AVEN: variants seen among roughly 807,000 people sequenced by gnomAD.
AVEN encodes the protein cell death regulator Aven.
Under a neutral mutation model 38.1 loss-of-function variants are expected in AVEN, and 41 were observed. The observed-to-expected ratio is 1.08, with a 90% CI of 0.84 to 1.40. The LOEUF (loss-of-function observed/expected upper bound fraction) is 1.40. Among genes scored for constraint, AVEN ranks in the 40% most tolerant of loss-of-function variants. The pLI, the probability that AVEN is intolerant of heterozygous loss-of-function variation, is 0.00. For missense variants in AVEN, 605 were observed against 438.8 expected (o/e 1.38, Z -3.38); for synonymous variants, 206 against 171.8 (o/e 1.20, Z -1.56).
At chr15:34,044,867 G>A (rs1262552353) in intron 5 of AVEN, among the ~76,000 whole-genome samples, 1 of 152,128 alleles carries the variant, frequency 6.6e-6, no homozygotes, top group East Asian at 1.9e-4. Context: ...TAGCTAATAG[G>A]GTGAAACCCC....
chr15:34,000,999 G>T (rs868575532), intron 2 of AVEN, among the ~76,000 whole-genome samples: 3 of 151,458 alleles, frequency 2.0e-5, no homozygotes, highest in African/African-American at 7.3e-5. Flanking sequence ...CAGAGGACAG[G>T]CCTGCTAGGT....
intron 2 of AVEN, among the ~76,000 whole-genome samples, chr15:33,922,330 G>A (rs1893427220): frequency 6.6e-6 from 1 of 152,148 alleles, no homozygotes; most frequent in Admixed American, 6.5e-5. Flanking sequence ...CTGGAGAGTA[G>A]GGATGGATGG....
chr15:33,969,737 G>A (rs1175415770), intron 2 of AVEN, among the ~76,000 whole-genome samples: 3 of 151,924 alleles, frequency 2.0e-5, no homozygotes, highest in African/African-American at 7.2e-5. Flanking sequence ...TTTTATAACA[G>A]ACTAAATGAA....
chr15:34,049,293 G>A (rs1163605636), intron 5 of AVEN, among the ~76,000 whole-genome samples: 1 of 152,126 alleles, frequency 6.6e-6, no homozygotes, highest in African/African-American at 2.4e-5. Context: ...CAATGCAAGG[G>A]AGCTATGAAT....
intron 2 of AVEN, among the ~76,000 whole-genome samples, chr15:33,957,520 T>C (rs764345004): frequency 1.3e-5 from 2 of 152,080 alleles, no homozygotes; most frequent in Non-Finnish European, 2.9e-5. Context: ...TGAAAACATA[T>C]AACCACAAAA....
At chr15:34,060,960 G>A (rs1405215010) in intron 5 of AVEN, among the ~76,000 whole-genome samples, 1 of 151,314 alleles carries the variant, frequency 6.6e-6, no homozygotes, top group Non-Finnish European at 1.5e-5. Context: ...AGCTTGCAGT[G>A]AGCCGAGATA....
chr15:33,886,258 G>A (rs1354044491), intron 2 of AVEN, among the ~76,000 whole-genome samples: 3 of 152,174 alleles, frequency 2.0e-5, no homozygotes, highest in Non-Finnish European at 2.9e-5. Flanking sequence ...ATCATGGGGG[G>A]CGGTCTCCCC....
At chr15:33,893,852 T>C (rs1022263201) in intron 2 of AVEN, among the ~76,000 whole-genome samples, 1 of 152,094 alleles carries the variant, frequency 6.6e-6, no homozygotes, top group Non-Finnish European at 1.5e-5. Context: ...GAATAGAGTG[T>C]GGTCACGGTG....
intron 11 of AVEN, chr15:33,859,728 C>G: frequency 6.2e-7 from 1 of 1,606,542 alleles, no homozygotes; most frequent in African/African-American, 1.3e-5. Flanking sequence ...GGCCATCATT[C>G]AAGGTATGAT....
At chr15:33,882,628 A>G (rs1891538938) in intron 2 of AVEN, among the ~76,000 whole-genome samples, 1 of 152,088 alleles carries the variant, frequency 6.6e-6, no homozygotes, top group African/African-American at 2.4e-5. Flanking sequence ...GCACTTTGGG[A>G]GGCTGAGGTG....
At chr15:34,044,372 T>C (rs1283648486) in intron 5 of AVEN, among the ~76,000 whole-genome samples, 1 of 152,238 alleles carries the variant, frequency 6.6e-6, no homozygotes, top group African/African-American at 2.4e-5. Flanking sequence ...TTTGATACAG[T>C]TGATTACTCC....
intron 1 of AVEN, among the ~76,000 whole-genome samples, chr15:34,036,056 A>C (rs1464216793): frequency 6.6e-6 from 1 of 150,796 alleles, no homozygotes; most frequent in Non-Finnish European, 1.5e-5. Flanking sequence ...TCAGCCTCCC[A>C]AAGTGCTGGG....
chr15:33,903,114 T>G (rs1317612601), intron 2 of AVEN, among the ~76,000 whole-genome samples: 1 of 152,212 alleles, frequency 6.6e-6, no homozygotes, highest in Non-Finnish European at 1.5e-5. Context: ...GCTCTAGACA[T>G]CGGCACGTAA....
chr15:33,860,174 C>T (rs1472185847), intron 11 of AVEN, among the ~76,000 whole-genome samples: 1 of 152,150 alleles, frequency 6.6e-6, no homozygotes, highest in African/African-American at 2.4e-5. Context: ...TTGAGTCATG[C>T]TGAGTGGAGG....
chr15:33,982,248 C>G (rs1896185034), intron 2 of AVEN, among the ~76,000 whole-genome samples: 2 of 152,044 alleles, frequency 1.3e-5, no homozygotes, highest in East Asian at 3.9e-4. Context: ...CTGCCCCCAA[C>G]AAATTAAGCC....
chr15:33,938,099 G>T (rs1322797996), intron 2 of AVEN, among the ~76,000 whole-genome samples: 3 of 152,078 alleles, frequency 2.0e-5, no homozygotes, highest in Non-Finnish European at 1.5e-5. Flanking sequence ...GGGAAAGAAA[G>T]ATTTCTTGGA....
chr15:34,061,768 A>G (rs554798648), intron 5 of AVEN, among the ~76,000 whole-genome samples: 262 of 152,322 alleles, frequency 1.7e-3, no homozygotes, highest in Admixed American at 3.7e-3. Context: ...AGCTGGGGCA[A>G]ATGTAAAACC....
intron 1 of AVEN, 42 bp from the exon 2 acceptor site, chr15:34,003,251 T>A (rs760291128): frequency 1.3e-6 from 2 of 1,598,074 alleles, no homozygotes; most frequent in Non-Finnish European, 1.7e-6. Flanking sequence ...GCAGTGGAAA[T>A]CCTGACCTTA....
intron 3 of AVEN, among the ~76,000 whole-genome samples, chr15:33,872,970 G>A (rs1363768595): frequency 6.6e-6 from 1 of 151,854 alleles, no homozygotes; most frequent in African/African-American, 2.4e-5. Flanking sequence ...CGAACGCCAA[G>A]TCCAAGCCGT....
Sources: gnomAD v4.1 joint callset for allele counts (sites outside exome capture counted in the v4.1 genomes callset) on GRCh38, gnomAD v4.1.1 for gene constraint, MANE v1.5 for transcripts, NCBI Gene and HGNC (gene_info 2026-07-23, HGNC 2026-07-21) for gene names.